PHIP: variants seen among roughly 807,000 people sequenced by gnomAD.
PHIP encodes the protein PH-interacting protein.
PHIP carries 54 observed loss-of-function variants against 236.8 expected under a neutral mutation model. The ratio of observed to expected loss-of-function variants is 0.23; its 90% confidence interval spans 0.18 to 0.29. The LOEUF is 0.29. Ranked by LOEUF, PHIP falls within the 10% of genes least tolerant of loss-of-function variation. PHIP has a pLI of 1.00. For missense variants in PHIP, 1,370 were observed against 2,190.8 expected (o/e 0.63, Z 7.48); for synonymous variants, 756 against 718.9 (o/e 1.05, Z -0.83).
At chr6:79,013,720 G>A (rs1160662467) in intron 15 of PHIP, among the ~76,000 whole-genome samples, 3 of 151,400 alleles carry the variant, frequency 2.0e-5, no homozygotes, top group South Asian at 4.2e-4. Context: ...AAGTTAAAGC[G>A]GTATTCAATT....
At chr6:78,959,915 C>T (rs1766667737) in intron 31 of PHIP, among the ~76,000 whole-genome samples, 1 of 152,068 alleles carries the variant, frequency 6.6e-6, no homozygotes, top group Admixed American at 6.6e-5. Context: ...CTCAGCCAAG[C>T]CTACCTCAAA....
In PHIP at chr6:78,990,955, T is replaced by C; in HGVS notation, c.2232A>G (p.Gly744=). The C allele has an allele frequency of 6.2e-7, 1 of 1,611,332 alleles. No homozygotes were observed. Residue 744 remains glycine, a synonymous_variant, in exon 20 of 40, where the codon GGA becomes GGG. Coordinates refer to ENST00000275034, the MANE Select transcript of PHIP (RefSeq NM_017934.7). ...SRQEEWRTAK[G]EEEIKTYRSE... The stretch of plus-strand genomic sequence containing the variant: ...ACCTGTAAGTCTTTATTTCTTCTTC[T>C]CCCTTTGCAGTTCTCCATTCTTCTT...
chr6:79,075,159 G>C (rs1364950139), intron 4 of PHIP, among the ~76,000 whole-genome samples: 1 of 152,124 alleles, frequency 6.6e-6, no homozygotes, highest in East Asian at 1.9e-4. Flanking sequence ...ATTAAACAGC[G>C]AGATCAACTA....
intron 3 of PHIP, 91 bp from the exon 4 acceptor site, chr6:79,077,598 C>G: frequency 2.2e-6 from 2 of 890,396 alleles, no homozygotes; most frequent in Non-Finnish European, 2.7e-6. Context: ...GCGGGGACCC[C>G]GAGCCCCGCG....
rs34875528 is a variant in PHIP at position 79,036,921 on chromosome 6, CAAAAAAAA to C, written c.600+5914_600+5921del. ...TAGGTGACAGAGCAAGACTCCGTCT[CAAAAAAAA>C]AAAAAAAAAAAAAAAAAGCAAGGCT... On this transcript the variant is annotated intron_variant, in intron 7 of 39. Transcript: ENST00000275034. Among the ~76,000 whole-genome samples, 144 of 38,972 alleles carry C rather than the reference CAAAAAAAA, an allele frequency of 3.7e-3. 1 individual carries two copies. The highest frequency in any genetic ancestry group is 0.014 in the African/African-American group (142 of 10,174). 25.6% of individuals were successfully genotyped at this position (38,972 alleles called of 152,430 possible).
Position 78,935,497 on chromosome 6 carries a change from G to T in PHIP, c.*5196C>A. On this transcript the variant is annotated 3_prime_UTR_variant, in exon 40 of 40. Coordinates refer to ENST00000275034, the MANE Select transcript of PHIP (RefSeq NM_017934.7). The stretch of plus-strand genomic sequence containing the variant: ...TTTTGAGAAAATATTTATGCAAAGT[G>T]TTCCACTGAAATGTATCTCTTACGA... 1.0e-6 allele frequency: 1 copy of T among 978,706 alleles called. No homozygotes were observed. The highest frequency in any genetic ancestry group is 1.2e-6 in the Non-Finnish European group (1 of 823,932). 60.6% of individuals were successfully genotyped at this position (978,706 alleles called of 1,614,324 possible).
In PHIP at chr6:78,935,747, A is replaced by G. The variant is rs1773251727; in HGVS notation, c.*4946T>C. 1.0e-6 allele frequency: 1 copy of G among 985,194 alleles called. No homozygotes were observed. Among genetic ancestry groups the G allele is most frequent in the Non-Finnish European group, 1.2e-6 (1 of 829,814 alleles). The allele number at this position is 985,194 out of a possible 1,614,324, so 61.0% of individuals were successfully genotyped here. ...GAAACTCTAATGAACCAGCATTTACATAATGGTATCTGCCATATGACCACT... is the reference window on the plus strand; with the variant it reads ...GAAACTCTAATGAACCAGCATTTACGTAATGGTATCTGCCATATGACCACT... On this transcript the variant is annotated 3_prime_UTR_variant, in exon 40 of 40. Transcript: ENST00000275034.
intron 30 of PHIP, among the ~76,000 whole-genome samples, chr6:78,962,656 C>T (rs1035764893): frequency 6.6e-6 from 1 of 152,024 alleles, no homozygotes; most frequent in South Asian, 2.1e-4. Flanking sequence ...TTTAACAAGG[C>T]AGAGCAATTA....
At position 78,961,728 on chromosome 6, in the gene PHIP, T is replaced by C. The variant is rs772341018; in HGVS notation, c.3618A>G (p.Leu1206=). 4.3e-6 allele frequency: 7 copies of C among 1,612,604 alleles called. No individual in the cohort carries two copies. Among genetic ancestry groups the C allele is most frequent in the Non-Finnish European group, 5.9e-6 (7 of 1,178,856 alleles). ...YCTVVAYPTD[L]STIKQRLENR... Reference sequence around the variant, plus strand: ...TTTCCAGTCTTTGTTTAATTGTACTTAGATCCGTTGGATATGCCACTACTG... The same window carrying C: ...TTTCCAGTCTTTGTTTAATTGTACTCAGATCCGTTGGATATGCCACTACTG... The change falls in exon 31 of 40, where the codon CTA becomes CTG. Residue 1206 remains leucine (L), a synonymous_variant. Transcript: ENST00000275034.
intron 4 of PHIP, among the ~76,000 whole-genome samples, chr6:79,073,745 G>A (rs925215728): frequency 3.9e-5 from 6 of 151,990 alleles, no homozygotes; most frequent in Admixed American, 3.3e-4. Flanking sequence ...AACTATGATG[G>A]AAATCATGGT....
chr6:79,010,384 C>T (rs1342522270), intron 15 of PHIP, among the ~76,000 whole-genome samples: 1 of 150,594 alleles, frequency 6.6e-6, no homozygotes, highest in African/African-American at 2.4e-5. Context: ...GATTAGTGGA[C>T]ACTGGAACTT....
rs756554030 is a variant in PHIP, at chr6:79,042,861, A to G, written c.582T>C (p.Thr194=). Residue 194 remains threonine (T), a synonymous_variant, in exon 7 of 40, where the codon ACT becomes ACC. Transcript: ENST00000275034. ...SSVYCVTFDR[T]GRRIFTGSDD... ...TACTTACAGTAAATATCCGTCTGCCAGTTCGATCAAAAGTTACACAGTACA... is the reference window on the plus strand; with the variant it reads ...TACTTACAGTAAATATCCGTCTGCCGGTTCGATCAAAAGTTACACAGTACA... The G allele has an allele frequency of 1.9e-6, 3 of 1,601,588 alleles. No individual in the cohort carries two copies. Among genetic ancestry groups the G allele is most frequent in the Non-Finnish European group, 1.7e-6 (2 of 1,176,346 alleles).
intron 21 of PHIP, among the ~76,000 whole-genome samples, chr6:78,985,690 A>C (rs1017425949): frequency 6.6e-6 from 1 of 152,180 alleles, no homozygotes; most frequent in African/African-American, 2.4e-5. Flanking sequence ...AAACACACAA[A>C]AAATTAGCTG....
intron 24 of PHIP, among the ~76,000 whole-genome samples, chr6:78,974,438 T>C (rs900640374): frequency 2.6e-5 from 4 of 151,452 alleles, no homozygotes; most frequent in Admixed American, 2.0e-4. Flanking sequence ...AGATCCAAAA[T>C]TGACACCCTA....
intron 6 of PHIP, among the ~76,000 whole-genome samples, chr6:79,054,713 A>G (rs1772984983): frequency 6.6e-6 from 1 of 151,444 alleles, no homozygotes; most frequent in South Asian, 2.1e-4. Flanking sequence ...GGAAAAATAT[A>G]AACCTAAGAG....
At chr6:78,994,963 C>T (rs1769515708) in intron 19 of PHIP, among the ~76,000 whole-genome samples, 1 of 152,130 alleles carries the variant, frequency 6.6e-6, no homozygotes, top group Non-Finnish European at 1.5e-5. Flanking sequence ...CTTTTATACG[C>T]ACTTGGAAAC....
chr6:79,022,290 C>T (rs990808829), intron 9 of PHIP, among the ~76,000 whole-genome samples: 2 of 152,102 alleles, frequency 1.3e-5, no homozygotes, highest in African/African-American at 4.8e-5. Context: ...ATGTAAAGTG[C>T]TTAGTACAAT....
intron 21 of PHIP, 112 bp from the exon 22 acceptor site, chr6:78,985,540 A>G (rs1334578445): frequency 9.5e-6 from 7 of 733,318 alleles, no homozygotes; most frequent in Non-Finnish European, 1.7e-5. Flanking sequence ...GATATTTAAA[A>G]TTTGATTTAA....
At chr6:79,061,752 G>GTTA (rs202013993) in intron 4 of PHIP, among the ~76,000 whole-genome samples, 5,612 of 152,020 alleles carry the variant, frequency 0.037, 98 homozygotes, top group Middle Eastern at 0.051. Flanking sequence ...AGTGTAAAGG[G>GTTA]GTCCTAAGAC....
Sources: gnomAD v4.1 joint callset for allele counts (sites outside exome capture counted in the v4.1 genomes callset) on GRCh38, gnomAD v4.1.1 for gene constraint, MANE v1.5 for transcripts, NCBI Gene and HGNC (gene_info 2026-07-23, HGNC 2026-07-21) for gene names.